Variants in PLPP4 observed in about 807,000 individuals in gnomAD.
PLPP4 encodes the protein diacylglycerol pyrophosphate like 2.
Under a neutral mutation model 32.2 loss-of-function variants are expected in PLPP4, and 20 were observed. The ratio of observed to expected loss-of-function variants is 0.62; its 90% CI spans 0.44 to 0.90. The LOEUF (loss-of-function observed/expected upper bound fraction) is 0.90, where lower values mean the gene tolerates loss of function less well. Among genes scored for constraint, PLPP4 ranks in the 40% least tolerant of loss-of-function variants. PLPP4 has a pLI of 0.00. For missense variants in PLPP4, 257 were observed against 353.1 expected (o/e 0.73, Z 2.18); for synonymous variants, 127 against 133.0 (o/e 0.95, Z 0.31).
chr10:120,543,469 A>T (rs1387870783), intron 5 of PLPP4, among the ~76,000 whole-genome samples: 1 of 152,112 alleles, frequency 6.6e-6, no homozygotes, highest in Non-Finnish European at 1.5e-5. Context: ...TTTGGCATCA[A>T]GTCCAGATTG....
intron 5 of PLPP4, among the ~76,000 whole-genome samples, chr10:120,556,822 G>A (rs1370260185): frequency 6.6e-6 from 1 of 151,946 alleles, no homozygotes; most frequent in Non-Finnish European, 1.5e-5. Flanking sequence ...ATGTTACTTT[G>A]TATCCACATC....
chr10:120,576,358 G>A (rs991968918), intron 6 of PLPP4, among the ~76,000 whole-genome samples: 2 of 152,192 alleles, frequency 1.3e-5, no homozygotes, highest in African/African-American at 4.8e-5. Context: ...TGTCTTTGCA[G>A]CCAGCTGCCT....
chr10:120,463,553 T>A (rs1848172156), intron 1 of PLPP4, among the ~76,000 whole-genome samples: 1 of 152,222 alleles, frequency 6.6e-6, no homozygotes, highest in African/African-American at 2.4e-5. Flanking sequence ...GTGGTACATA[T>A]AACAAAAATT....
intron 5 of PLPP4, among the ~76,000 whole-genome samples, chr10:120,529,018 A>G (rs937328840): frequency 1.3e-5 from 2 of 150,610 alleles, no homozygotes; most frequent in African/African-American, 2.5e-5. Context: ...AATAACTGTC[A>G]TTTCTAAGAT....
intron 6 of PLPP4, among the ~76,000 whole-genome samples, chr10:120,580,561 A>T (rs1465917945): frequency 2.0e-5 from 3 of 151,556 alleles, no homozygotes; most frequent in African/African-American, 7.3e-5. Flanking sequence ...CAGCTATGTC[A>T]TGTAAGCCTT....
intron 1 of PLPP4, 74 bp from the exon 2 acceptor site, chr10:120,503,744 A>T (rs1288020560): frequency 1.3e-6 from 2 of 1,588,954 alleles, no homozygotes; most frequent in African/African-American, 2.7e-5. Flanking sequence ...GGTGCATAGA[A>T]GGGGGGCCTC....
In PLPP4 at chr10:120,563,158, G is replaced by A. The variant is rs1308658007; in HGVS notation, c.446-11973G>A. ...AGAGGCTGAGTCAGGAGAATCGCTTGAAGCCAGGAGGCAGAGGTCGCGGTG... is the reference window on the plus strand; with the variant it reads ...AGAGGCTGAGTCAGGAGAATCGCTTAAAGCCAGGAGGCAGAGGTCGCGGTG... On this transcript the variant is annotated intron_variant, in intron 5 of 6. Transcript: ENST00000398250. 3.3e-5 allele frequency among the ~76,000 whole-genome samples: 5 copies of A among 152,314 alleles called. No individual in the cohort carries two copies. The East Asian group carries it at 9.7e-4, about 29-fold the overall frequency.
intron 5 of PLPP4, among the ~76,000 whole-genome samples, chr10:120,524,497 G>A (rs1193259926): frequency 1.3e-5 from 2 of 152,126 alleles, no homozygotes; most frequent in African/African-American, 4.8e-5. Flanking sequence ...GATAATTGGC[G>A]GCTGGAATGA....
chr10:120,538,451 C>T (rs1042832412), intron 5 of PLPP4, among the ~76,000 whole-genome samples: 1 of 152,056 alleles, frequency 6.6e-6, no homozygotes, highest in Non-Finnish European at 1.5e-5. Flanking sequence ...TAGCACCTTC[C>T]CTCTATGCCA....
intron 5 of PLPP4, among the ~76,000 whole-genome samples, chr10:120,528,753 T>C (rs1397969617): frequency 6.6e-6 from 1 of 152,196 alleles, no homozygotes; most frequent in Non-Finnish European, 1.5e-5. Context: ...CAGACCTCTT[T>C]GGAGGGCAAT....
At chr10:120,548,122 T>C (rs1229878205) in intron 5 of PLPP4, among the ~76,000 whole-genome samples, 1 of 152,146 alleles carries the variant, frequency 6.6e-6, no homozygotes, top group Non-Finnish European at 1.5e-5. Flanking sequence ...GTAGGTTTGC[T>C]ATATAGGTAA....
At chr10:120,537,640 T>A (rs1036977866) in intron 5 of PLPP4, among the ~76,000 whole-genome samples, 1 of 152,212 alleles carries the variant, frequency 6.6e-6, no homozygotes, top group Non-Finnish European at 1.5e-5. Context: ...TAATTAGTAA[T>A]GTATTGTATA....
intron 5 of PLPP4, among the ~76,000 whole-genome samples, chr10:120,537,051 G>C (rs567691340): frequency 6.6e-6 from 1 of 152,144 alleles, no homozygotes. Flanking sequence ...AAATGTTGGC[G>C]AAGTTGTGGA....
chr10:120,538,613 A>G (rs1455630177), intron 5 of PLPP4, among the ~76,000 whole-genome samples: 1 of 152,190 alleles, frequency 6.6e-6, no homozygotes. Flanking sequence ...GCCCTTTCAC[A>G]TGGTCTTCAG....
intron 1 of PLPP4, among the ~76,000 whole-genome samples, chr10:120,466,109 C>A (rs983105013): frequency 6.6e-6 from 1 of 152,032 alleles, no homozygotes; most frequent in Non-Finnish European, 1.5e-5. Flanking sequence ...TCCAGCTATA[C>A]CTCTAAAAGC....
At chr10:120,470,695 C>T (rs1848478351) in intron 1 of PLPP4, among the ~76,000 whole-genome samples, 1 of 152,010 alleles carries the variant, frequency 6.6e-6, no homozygotes, top group African/African-American at 2.4e-5. Flanking sequence ...TATCTATTTG[C>T]CTGGTATTGT....
chr10:120,563,443 A>T (rs1848525296), intron 5 of PLPP4, among the ~76,000 whole-genome samples: 1 of 152,156 alleles, frequency 6.6e-6, no homozygotes. Context: ...CCTGGAAAAT[A>T]TGTCCATGAA....
At chr10:120,499,954 C>G (rs185432388) in intron 1 of PLPP4, among the ~76,000 whole-genome samples, 1 of 152,270 alleles carries the variant, frequency 6.6e-6, no homozygotes, top group East Asian at 1.9e-4. Flanking sequence ...CCACTATGTG[C>G]CCACCTCTGT....
At chr10:120,496,466 G>A (rs761695194) in intron 1 of PLPP4, among the ~76,000 whole-genome samples, 4 of 152,162 alleles carry the variant, frequency 2.6e-5, no homozygotes, top group Non-Finnish European at 5.9e-5. Context: ...CTCACAGGTG[G>A]CTCTGGGTGG....
Sources: allele counts gnomAD v4.1 joint callset (sites outside exome capture counted in the v4.1 genomes callset), GRCh38; gene constraint gnomAD v4.1.1; transcripts MANE v1.5; gene names NCBI Gene and HGNC (gene_info 2026-07-23, HGNC 2026-07-21).